Variants in ADARB2 observed in about 807,000 individuals in gnomAD.
ADARB2 encodes the protein adenosine deaminase RNA specific B2 (inactive).
In ADARB2, 25 loss-of-function variants were observed where a neutral mutation model predicts 62.2. The ratio of observed to expected loss-of-function variants is 0.40; its 90% CI spans 0.29 to 0.56. ADARB2 has a LOEUF of 0.56. Ranked by LOEUF, ADARB2 falls within the 20% of genes least tolerant of loss-of-function variation. The probability of loss-of-function intolerance (pLI) is 0.43; values close to 1 mark genes in which losing one functional copy is unlikely to be tolerated. For synonymous variants in ADARB2, 572 were observed against 500.8 expected (o/e 1.14, Z -1.90); for missense variants, 1,071 against 1,077.4 (o/e 0.99, Z 0.08).
At chr10:1,394,637 G>T (rs1450686156) in intron 1 of ADARB2, among the ~76,000 whole-genome samples, 1 of 152,234 alleles carries the variant, frequency 6.6e-6, no homozygotes, top group South Asian at 2.1e-4. Context: ...GGGGGTCAAA[G>T]GTGGGTCACG....
intron 1 of ADARB2, among the ~76,000 whole-genome samples, chr10:1,422,772 A>G (rs1832862149): frequency 6.6e-6 from 1 of 152,174 alleles, no homozygotes. Flanking sequence ...CACTGTGCAG[A>G]CTGTAAGGAT....
chr10:1,690,219 A>G (rs1834651154), intron 1 of ADARB2, among the ~76,000 whole-genome samples: 1 of 152,264 alleles, frequency 6.6e-6, no homozygotes, highest in Admixed American at 6.5e-5. Context: ...GTAGGAGCAC[A>G]TGCTCAGCTG....
chr10:1,577,310 T>TG (rs1465048326), intron 1 of ADARB2, among the ~76,000 whole-genome samples: 4 of 96,126 alleles, frequency 4.2e-5, no homozygotes, highest in African/African-American at 1.3e-4. Context: ...CTCAGGTGCA[T>TG]CCTGGTGTAA....
intron 3 of ADARB2, among the ~76,000 whole-genome samples, chr10:1,355,519 C>T (rs1325574321): frequency 6.6e-6 from 1 of 152,202 alleles, no homozygotes; most frequent in East Asian, 1.9e-4. Flanking sequence ...ATGTGTGACC[C>T]AGATTAAGTG....
chr10:1,360,669 G>A (rs1430346727), intron 3 of ADARB2, among the ~76,000 whole-genome samples: 2 of 152,218 alleles, frequency 1.3e-5, no homozygotes, highest in Non-Finnish European at 2.9e-5. Context: ...GCGGTACGAG[G>A]GAGGGTAAAA....
intron 1 of ADARB2, among the ~76,000 whole-genome samples, chr10:1,587,688 A>G (rs531387223): frequency 9.8e-5 from 15 of 152,310 alleles, no homozygotes; most frequent in Non-Finnish European, 1.8e-4. Flanking sequence ...TGTGCTAAAC[A>G]ATTGATATGG....
intron 1 of ADARB2, among the ~76,000 whole-genome samples, chr10:1,489,885 G>T (rs993023043): frequency 2.6e-5 from 4 of 152,152 alleles, no homozygotes; most frequent in Non-Finnish European, 4.4e-5. Flanking sequence ...ATGAGAGGGG[G>T]TCAAAATACT....
intron 1 of ADARB2, among the ~76,000 whole-genome samples, chr10:1,705,377 C>A (rs1421814261): frequency 6.6e-6 from 1 of 152,024 alleles, no homozygotes; most frequent in Non-Finnish European, 1.5e-5. Context: ...GTGGATGGCA[C>A]CAGGGGTCCT....
At chr10:1,576,125 G>GA (rs1833015368) in intron 1 of ADARB2, among the ~76,000 whole-genome samples, 1 of 124,890 alleles carries the variant, frequency 8.0e-6, no homozygotes, top group Non-Finnish European at 1.7e-5. Context: ...ACAGGAGGGG[G>GA]CCCAGGGTCA....
rs376967105 is a variant in ADARB2, at chr10:1,566,063, CAAAAAAAAAAAAAAAA to C, written c.100+170972_100+170987del. Among the ~76,000 whole-genome samples the C allele has an allele frequency of 4.2e-4, 54 of 128,054 alleles. 5 individuals are homozygous for C. Among genetic ancestry groups the C allele is most frequent in the Admixed American group, 1.4e-3 (18 of 12,692 alleles). 84.0% of individuals were successfully genotyped at this position (128,054 alleles called of 152,430 possible). On this transcript the variant is annotated intron_variant, in intron 1 of 9. Transcript: ENST00000381312. Reference sequence around the variant, plus strand: ...CTCCTCTAGGTTGAGCTCAGTCTAGCAAAAAAAAAAAAAAAAAAAAAAAAAAAAAAAAAAAAAAAAA... The same window carrying C: ...CTCCTCTAGGTTGAGCTCAGTCTAGCAAAAAAAAAAAAAAAAAAAAAAAAA...
intron 1 of ADARB2, among the ~76,000 whole-genome samples, chr10:1,619,319 G>A (rs1046446538): frequency 4.1e-5 from 6 of 147,020 alleles, no homozygotes; most frequent in East Asian, 2.0e-4. Flanking sequence ...GAAAAAATAC[G>A]CACCATACAA....
At chr10:1,227,004 A>C (rs1210053896) in intron 6 of ADARB2, among the ~76,000 whole-genome samples, 2 of 152,216 alleles carry the variant, frequency 1.3e-5, no homozygotes, top group African/African-American at 2.4e-5. Flanking sequence ...CCAGAGGTGG[A>C]GCCTATAGAG....
At chr10:1,636,340 A>C (rs1196128662) in intron 1 of ADARB2, among the ~76,000 whole-genome samples, 1 of 152,156 alleles carries the variant, frequency 6.6e-6, no homozygotes, top group African/African-American at 2.4e-5. Context: ...TACAAAGAAA[A>C]GTCCCATCTC....
chr10:1,355,210 C>T (rs201251761), intron 3 of ADARB2, among the ~76,000 whole-genome samples: 19 of 152,256 alleles, frequency 1.2e-4, no homozygotes, highest in Non-Finnish European at 1.8e-4. Context: ...AACAAACACT[C>T]TTGTCACTCT....
intron 1 of ADARB2, among the ~76,000 whole-genome samples, chr10:1,570,506 C>G (rs963779590): frequency 3.3e-5 from 5 of 152,184 alleles, no homozygotes; most frequent in Admixed American, 6.5e-5. Context: ...TGTCTCTAAG[C>G]CTGGTGGCTT....
chr10:1,615,243 C>A (rs150679503), intron 1 of ADARB2, among the ~76,000 whole-genome samples: 1 of 152,222 alleles, frequency 6.6e-6, no homozygotes, highest in Non-Finnish European at 1.5e-5. Context: ...CTCTCCACTG[C>A]CTGCCCCACC....
At chr10:1,472,476 C>T (rs886849918) in intron 1 of ADARB2, among the ~76,000 whole-genome samples, 10 of 152,118 alleles carry the variant, frequency 6.6e-5, no homozygotes, top group African/African-American at 1.4e-4. Context: ...AGCTCTGGAC[C>T]GTGGGGGTGT....
At chr10:1,379,503 A>G (rs1832463513) in intron 1 of ADARB2, among the ~76,000 whole-genome samples, 2 of 152,362 alleles carry the variant, frequency 1.3e-5, no homozygotes, top group African/African-American at 4.8e-5. Flanking sequence ...TGTCGAGATC[A>G]TTTCACAGAG....
intron 1 of ADARB2, among the ~76,000 whole-genome samples, chr10:1,648,794 G>A (rs755486759): frequency 1.2e-4 from 18 of 152,112 alleles, no homozygotes; most frequent in Non-Finnish European, 2.4e-4. Flanking sequence ...TGTTTTAGAC[G>A]CCATCTGCAT....
Sources: gnomAD v4.1 joint callset for allele counts (sites outside exome capture counted in the v4.1 genomes callset) on GRCh38, gnomAD v4.1.1 for gene constraint, MANE v1.5 for transcripts, NCBI Gene and HGNC (gene_info 2026-07-23, HGNC 2026-07-21) for gene names.